The following ZNF585B variants were observed in gnomAD, a reference collection of about 807,000 sequenced individuals.
ZNF585B encodes zinc finger protein 585B.
Under a neutral mutation model 14.0 loss-of-function variants are expected in ZNF585B, and 7 were observed. The ratio of observed to expected loss-of-function variants is 0.50; its 90% CI spans 0.28 to 0.94. The LOEUF is 0.94. Ranked by LOEUF, ZNF585B falls within the 40% of genes least tolerant of loss-of-function variation. The probability of loss-of-function intolerance (pLI) is 0.09; values close to 1 mark genes in which losing one functional copy is unlikely to be tolerated. For missense variants in ZNF585B, 750 were observed against 924.4 expected (o/e 0.81, Z 2.45); for synonymous variants, 290 against 317.3 (o/e 0.91, Z 0.91).
rs1180054886 is a variant in ZNF585B at position 37,186,545 on chromosome 19, T to C, written c.992A>G (p.Tyr331Cys). 1.2e-6 allele frequency: 2 copies of C among 1,614,254 alleles called. No homozygotes were observed. The highest frequency in any genetic ancestry group is 1.7e-6 in the Non-Finnish European group (2 of 1,180,048). Residue 331 changes from tyrosine (Y) to cysteine (C), a missense_variant, in exon 5 of 5, where the codon TAT (tyrosine) becomes TGT (cysteine). Transcript: ENST00000532828. ...GGAATTATTGCTGAAGACCTTCCCATATTCGGTACATATATAGGGCTTCAC... is the reference window on the plus strand; with the variant it reads ...GGAATTATTGCTGAAGACCTTCCCACATTCGGTACATATATAGGGCTTCAC... ...TRVKPYICTEYGKVFSNNSNL... is the reference protein window; with the variant it reads ...TRVKPYICTECGKVFSNNSNL...
At chr19:37,193,086 G>A (rs1467928547) in intron 2 of ZNF585B, among the ~76,000 whole-genome samples, 1 of 152,100 alleles carries the variant, frequency 6.6e-6, no homozygotes, top group Non-Finnish European at 1.5e-5. Context: ...AGTGAGCCGA[G>A]ATTGCGCCAC....
intron 2 of ZNF585B, among the ~76,000 whole-genome samples, chr19:37,197,342 G>C (rs1318765947): frequency 6.6e-6 from 1 of 152,078 alleles, no homozygotes; most frequent in Admixed American, 6.6e-5. Flanking sequence ...AGTATTCCAT[G>C]GTGTATATGT....
At position 37,186,132 on chromosome 19, in the gene ZNF585B, T is replaced by C; in HGVS notation, c.1405A>G (p.Asn469Asp). The change falls in exon 5 of 5, where the codon AAT (asparagine) becomes GAT (aspartate). Residue 469 changes from asparagine (N) to aspartate (D), a missense_variant. Physicochemically the swap from Asn to Asp is conservative, Grantham distance 23 (BLOSUM62 1). Coordinates refer to ENST00000532828, the MANE Select transcript of ZNF585B (RefSeq NM_152279.4). ...TTGGTGAATGCCTTCCCACATTTAT[T>C]GCATACATAGGGCTTTTCTCCTGTG... ...IHTGEKPYVC[N>D]KCGKAFTNRS... 6.2e-7 allele frequency: 1 copy of C among 1,614,192 alleles called. No individual in the cohort carries two copies. Among genetic ancestry groups the C allele is most frequent in the Middle Eastern group, 1.6e-4 (1 of 6,062 alleles).
intron 2 of ZNF585B, among the ~76,000 whole-genome samples, chr19:37,191,172 T>C (rs566585524): frequency 4.1e-4 from 62 of 152,308 alleles, no homozygotes; most frequent in African/African-American, 1.4e-3. Flanking sequence ...TACAAATAAA[T>C]GCAACAATCT....
At chr19:37,201,089 C>CAA (rs34379718) in intron 2 of ZNF585B, among the ~76,000 whole-genome samples, 150 of 106,578 alleles carry the variant, frequency 1.4e-3, no homozygotes, top group Admixed American at 2.2e-3. Flanking sequence ...GACTCCGTCT[C>CAA]AAAAAAAAAA....
At position 37,183,918 on chromosome 19, in the gene ZNF585B, C is replaced by G. The variant is rs1306929492; in HGVS notation, c.*1309G>C. 1 of 150,728 alleles carries G rather than the reference C, an allele frequency of 6.6e-6. No individual in the cohort carries two copies. The highest frequency in any genetic ancestry group is 1.5e-5 in the Non-Finnish European group (1 of 67,822). 9.3% of individuals were successfully genotyped at this position (150,728 alleles called of 1,614,324 possible). On this transcript the variant is annotated 3_prime_UTR_variant, in exon 5 of 5. Transcript: ENST00000532828. ...AGGAAAGTAAAATGCTGGGCTTCAA[C>G]TCAGTCACAAGTAAATTAAAAAAAA...
intron 2 of ZNF585B, among the ~76,000 whole-genome samples, chr19:37,192,306 T>C (rs1427929825): frequency 6.6e-6 from 1 of 152,110 alleles, no homozygotes; most frequent in Non-Finnish European, 1.5e-5. Flanking sequence ...GAAGAAAAAG[T>C]GCATTCTACA....
chr19:37,203,681 C>T (rs181345350), intron 2 of ZNF585B, among the ~76,000 whole-genome samples: 2 of 152,256 alleles, frequency 1.3e-5, no homozygotes, highest in African/African-American at 2.4e-5. Context: ...CAGGCTAGAA[C>T]GCAATGGTGT....
chr19:37,198,245 T>C (rs147513936), intron 2 of ZNF585B, among the ~76,000 whole-genome samples: 2,801 of 152,084 alleles, frequency 0.018, 54 homozygotes, highest in East Asian at 0.057. Context: ...GATCTTGGCT[T>C]ACTGCAACCT....
In ZNF585B at chr19:37,183,235, G is replaced by C. The variant is rs1972281256; in HGVS notation, c.*1992C>G. On this transcript the variant is annotated 3_prime_UTR_variant, in exon 5 of 5. Transcript: ENST00000532828. ...ACAATGACTTTTTAGCTTTAGGGTT[G>C]AGAAGGGATACAGCCCAGGTACAGA... is the stretch of plus-strand genomic sequence containing the variant. 1 of 152,160 alleles carries C rather than the reference G, an allele frequency of 6.6e-6. No homozygotes were observed. The highest frequency in any genetic ancestry group is 2.4e-5 in the African/African-American group (1 of 41,428). The allele number at this position is 152,160 out of a possible 1,614,324, so 9.4% of individuals were successfully genotyped here.
At chr19:37,205,151 C>A (rs1027455904) in intron 2 of ZNF585B, among the ~76,000 whole-genome samples, 1 of 152,138 alleles carries the variant, frequency 6.6e-6, no homozygotes, top group Non-Finnish European at 1.5e-5. Context: ...CATCCTCCCA[C>A]CCTGGCTTTC....
At chr19:37,198,986 C>G in intron 2 of ZNF585B, 1 of 1,530,086 alleles carries the variant, frequency 6.5e-7, no homozygotes, top group Non-Finnish European at 8.7e-7. Flanking sequence ...CAGTTTGTCT[C>G]TTGTGATGCA....
At position 37,184,750 on chromosome 19, in the gene ZNF585B, G is replaced by A. The variant is rs199565382; in HGVS notation, c.*477C>T. 13 of 363,898 alleles carry A rather than the reference G, an allele frequency of 3.6e-5. No homozygotes were observed. Among genetic ancestry groups the A allele is most frequent in the African/African-American group, 1.7e-4 (8 of 47,890 alleles). 22.5% of individuals were successfully genotyped at this position (363,898 alleles called of 1,614,324 possible). A position where few individuals can be genotyped will look rare whatever the true frequency, so the allele number is the denominator to read the frequency against. On this transcript the variant is annotated 3_prime_UTR_variant, in exon 5 of 5. Transcript: ENST00000532828. Reference sequence around the variant, plus strand: ...GAATTGGATATGCACAACTGTGTTCGATTCAAAAGAAGAAAATACCCACAA... The same window carrying A: ...GAATTGGATATGCACAACTGTGTTCAATTCAAAAGAAGAAAATACCCACAA...
intron 2 of ZNF585B, among the ~76,000 whole-genome samples, chr19:37,193,600 A>G (rs985724679): frequency 6.6e-6 from 1 of 152,090 alleles, no homozygotes; most frequent in Non-Finnish European, 1.5e-5. Flanking sequence ...CAACACAGTG[A>G]GACCCTGTCC....
intron 2 of ZNF585B, chr19:37,196,166 A>G (rs1376896267): frequency 2.0e-5 from 3 of 152,214 alleles, no homozygotes; most frequent in Non-Finnish European, 4.4e-5. Flanking sequence ...AAGCACAAAA[A>G]AAGAAAACTA....
rs34379718 is a variant in ZNF585B at position 37,201,089 on chromosome 19, C to CAAAA, written c.72+5947_72+5950dup. On this transcript the variant is annotated intron_variant, in intron 2 of 4. Coordinates refer to ENST00000532828, the MANE Select transcript of ZNF585B (RefSeq NM_152279.4). ...CTGGCAACAGAGCAAGACTCCGTCT[C>CAAAA]AAAAAAAAAAAAAAAAAATTATCTT... 8.8e-3 allele frequency among the ~76,000 whole-genome samples: 937 copies of CAAAA among 106,630 alleles called. 14 individuals are homozygous for CAAAA. The highest frequency in any genetic ancestry group is 0.029 in the African/African-American group (883 of 30,276). 70.0% of individuals were successfully genotyped at this position (106,630 alleles called of 152,430 possible). A position where few individuals can be genotyped will look rare whatever the true frequency, so the allele number is the denominator to read the frequency against.
chr19:37,207,174 C>T lies in ZNF585B; in HGVS notation c.-63G>A. On this transcript the variant is annotated 5_prime_UTR_variant, in exon 2 of 5. Coordinates refer to ENST00000532828, the MANE Select transcript of ZNF585B (RefSeq NM_152279.4). ...CTGAAGTTTAGTGGTCATCTGTGAA[C>T]TCAGCAGAGCTGCTCCGAAGAGGTG... The T allele has an allele frequency of 6.2e-7, 1 of 1,608,418 alleles. No individual in the cohort carries two copies. Among genetic ancestry groups the T allele is most frequent in the South Asian group, 1.1e-5 (1 of 90,832 alleles).
chr19:37,184,498 A>AAGAAAGAAAGAAAGAAAGAAAG lies in ZNF585B; in HGVS notation c.*728_*729insCTTTCTTTCTTTCTTTCTTTCT, dbSNP rs1568505109. 7 of 86,350 alleles carry AAGAAAGAAAGAAAGAAAGAAAG rather than the reference A, an allele frequency of 8.1e-5. 2 individuals carry two copies. The highest frequency in any genetic ancestry group is 1.7e-4 in the African/African-American group (4 of 23,554). The allele number at this position is 86,350 out of a possible 1,614,324, so 5.3% of individuals were successfully genotyped here. A position where few individuals can be genotyped will look rare whatever the true frequency, so the allele number is the denominator to read the frequency against. ...AAAGAAAGAAAGAAAGAAAGAAAGA[A>AAGAAAGAAAGAAAGAAAGAAAG]AGAAAGAGAAAGAAAGAAAGAAAAA... is the stretch of plus-strand genomic sequence containing the variant. On this transcript the variant is annotated 3_prime_UTR_variant, in exon 5 of 5. Transcript: ENST00000532828.
At chr19:37,209,228 C>T (rs1972619633) in intron 1 of ZNF585B, among the ~76,000 whole-genome samples, 1 of 152,016 alleles carries the variant, frequency 6.6e-6, no homozygotes, top group South Asian at 2.1e-4. Context: ...CCTCAGCCTC[C>T]CGAGTAGTTG....
Sources: gnomAD v4.1 joint callset for allele counts (sites outside exome capture counted in the v4.1 genomes callset) on GRCh38, gnomAD v4.1.1 for gene constraint, MANE v1.5 for transcripts, NCBI Gene and HGNC (gene_info 2026-07-23, HGNC 2026-07-21) for gene names.